PPP3R1: variants seen among roughly 807,000 people sequenced by gnomAD.
The protein encoded by PPP3R1 is protein phosphatase 3 regulatory subunit B, alpha, also known as calcineurin subunit B type 1.
Under a neutral mutation model 22.6 loss-of-function variants are expected in PPP3R1, and 5 were observed. The ratio of observed to expected loss-of-function variants is 0.22; its 90% confidence interval spans 0.12 to 0.46. The LOEUF (loss-of-function observed/expected upper bound fraction) is 0.46, where lower values mean the gene tolerates loss of function less well. Ranked by LOEUF, PPP3R1 falls within the 20% of genes least tolerant of loss-of-function variation. The probability of loss-of-function intolerance (pLI) is 0.99; values close to 1 mark genes in which losing one functional copy is unlikely to be tolerated. For missense variants in PPP3R1, 61 were observed against 203.2 expected (o/e 0.30, Z 4.25); for synonymous variants, 56 against 65.2 (o/e 0.86, Z 0.68).
chr2:68,226,007 G>GA lies in PPP3R1; in HGVS notation c.4-8877dup, dbSNP rs541954805. ...TGGAGTACTATTCGGTAATGAATAG[G>GA]AAAAGACTACTAATACACCCAATAA... On this transcript the variant is annotated intron_variant, in intron 1 of 5. Transcript: ENST00000234310. 2.7e-3 allele frequency among the ~76,000 whole-genome samples: 414 copies of GA among 152,216 alleles called. 2 individuals carry two copies. Among genetic ancestry groups the GA allele is most frequent in the African/African-American group, 6.3e-3 (260 of 41,528 alleles).
intron 1 of PPP3R1, among the ~76,000 whole-genome samples, chr2:68,225,609 T>G (rs1176308898): frequency 1.3e-5 from 2 of 152,224 alleles, no homozygotes; most frequent in African/African-American, 4.8e-5. Context: ...TTTGCAGAAC[T>G]ATGAAATAAT....
intron 1 of PPP3R1, among the ~76,000 whole-genome samples, chr2:68,239,523 G>A (rs749847272): frequency 6.6e-5 from 10 of 152,128 alleles, no homozygotes; most frequent in Non-Finnish European, 1.0e-4. Context: ...TGTGGTTTTG[G>A]TTACATTTAG....
chr2:68,232,738 C>A (rs1669943355), intron 1 of PPP3R1, among the ~76,000 whole-genome samples: 1 of 152,142 alleles, frequency 6.6e-6, no homozygotes, highest in East Asian at 1.9e-4. Flanking sequence ...TCTCGAGTAG[C>A]TGGGATTACA....
chr2:68,196,508 C>T (rs755582236), intron 2 of PPP3R1, among the ~76,000 whole-genome samples: 31 of 152,234 alleles, frequency 2.0e-4, no homozygotes, highest in East Asian at 1.9e-4. Flanking sequence ...GAAATGAACA[C>T]AGGTCATACA....
At chr2:68,240,719 G>A (rs928032458) in intron 1 of PPP3R1, among the ~76,000 whole-genome samples, 19 of 152,222 alleles carry the variant, frequency 1.2e-4, no homozygotes, top group African/African-American at 4.6e-4. Flanking sequence ...ACAAGGCCAA[G>A]TGGCTAGAGC....
intron 5 of PPP3R1, among the ~76,000 whole-genome samples, chr2:68,184,763 C>G (rs922139683): frequency 2.0e-5 from 3 of 152,112 alleles, no homozygotes; most frequent in African/African-American, 7.2e-5. Context: ...AAACTATGCC[C>G]CTTAAAAATA....
At chr2:68,195,123 G>A (rs1165439399) in intron 2 of PPP3R1, among the ~76,000 whole-genome samples, 1 of 152,088 alleles carries the variant, frequency 6.6e-6, no homozygotes, top group African/African-American at 2.4e-5. Flanking sequence ...TCTGTGAGAT[G>A]TTAACATCCC....
chr2:68,197,862 C>T (rs1674822762), intron 2 of PPP3R1, among the ~76,000 whole-genome samples: 1 of 151,414 alleles, frequency 6.6e-6, no homozygotes, highest in South Asian at 2.1e-4. Context: ...TTTGTGTGTA[C>T]TAAAAGTCTT....
At chr2:68,190,153 C>T (rs755970378) in intron 2 of PPP3R1, among the ~76,000 whole-genome samples, 10 of 145,772 alleles carry the variant, frequency 6.9e-5, no homozygotes, top group Non-Finnish European at 1.0e-4. Flanking sequence ...TTAGTTCACA[C>T]GTAATTCGTA....
intron 1 of PPP3R1, among the ~76,000 whole-genome samples, chr2:68,238,930 T>A (rs1334573050): frequency 1.3e-5 from 2 of 152,184 alleles, no homozygotes; most frequent in Non-Finnish European, 2.9e-5. Context: ...TTAAAACCTA[T>A]GCAACTCTGT....
intron 1 of PPP3R1, among the ~76,000 whole-genome samples, chr2:68,220,886 T>G (rs1040500019): frequency 2.0e-5 from 3 of 152,170 alleles, no homozygotes; most frequent in African/African-American, 7.2e-5. Context: ...GGGTGCCAGT[T>G]GCTGGGGGAG....
At chr2:68,182,108 G>GT (rs1558625651) in intron 5 of PPP3R1, among the ~76,000 whole-genome samples, 1 of 126,440 alleles carries the variant, frequency 7.9e-6, no homozygotes, top group African/African-American at 3.1e-5. Context: ...ACGACCAGTA[G>GT]CTACTATTTT....
At chr2:68,208,752 T>G (rs1192154782) in intron 2 of PPP3R1, among the ~76,000 whole-genome samples, 1 of 151,470 alleles carries the variant, frequency 6.6e-6, no homozygotes, top group African/African-American at 2.4e-5. Flanking sequence ...CTGATCAACA[T>G]GTTTCTACTA....
At chr2:68,242,814 T>A (rs1329434086) in intron 1 of PPP3R1, among the ~76,000 whole-genome samples, 2 of 152,214 alleles carry the variant, frequency 1.3e-5, no homozygotes, top group African/African-American at 4.8e-5. Flanking sequence ...CATCCCTGAA[T>A]CTAGACAGAT....
At position 68,252,207 on chromosome 2, in the gene PPP3R1, GC is replaced by G; in HGVS notation, c.-81del. 1 of 1,244,074 alleles carries G rather than the reference GC, an allele frequency of 8.0e-7. No individual in the cohort carries two copies. The highest frequency in any genetic ancestry group is 1.0e-6 in the Non-Finnish European group (1 of 967,184). The allele number at this position is 1,244,074 out of a possible 1,614,324, so 77.1% of individuals were successfully genotyped here. A position where few individuals can be genotyped will look rare whatever the true frequency, so the allele number is the denominator to read the frequency against. On this transcript the variant is annotated 5_prime_UTR_variant, in exon 1 of 6. Coordinates refer to ENST00000234310, the MANE Select transcript of PPP3R1 (RefSeq NM_000945.4). ...TCAGGCTGGCTCGCAGGAAACGGCGGCGGCGGCCCAGCTGCGGCCCTCGGGT... is the reference window on the plus strand; with the variant it reads ...TCAGGCTGGCTCGCAGGAAACGGCGGGGCGGCCCAGCTGCGGCCCTCGGGT...
At chr2:68,226,793 A>G (rs1454019423) in intron 1 of PPP3R1, among the ~76,000 whole-genome samples, 1 of 152,176 alleles carries the variant, frequency 6.6e-6, no homozygotes, top group Non-Finnish European at 1.5e-5. Context: ...TAATTTAAGC[A>G]TCAATGCGTT....
chr2:68,216,661 C>T (rs1030761875), intron 2 of PPP3R1, among the ~76,000 whole-genome samples: 1 of 152,080 alleles, frequency 6.6e-6, no homozygotes, highest in African/African-American at 2.4e-5. Flanking sequence ...GCACTGCCGA[C>T]AGGTCCTTGG....
chr2:68,217,344 G>A (rs747709213), intron 1 of PPP3R1, among the ~76,000 whole-genome samples: 14 of 152,076 alleles, frequency 9.2e-5, no homozygotes, highest in Non-Finnish European at 1.6e-4. Flanking sequence ...TCTGACTTAT[G>A]ACTCTGTCAC....
At chr2:68,181,317 CG>C (rs1181866377) in intron 5 of PPP3R1, among the ~76,000 whole-genome samples, 2 of 150,798 alleles carry the variant, frequency 1.3e-5, no homozygotes, top group Admixed American at 1.3e-4. Context: ...CGCTTGAACC[CG>C]GGAGTTGGAG....
Sources: gnomAD v4.1 joint callset for allele counts (sites outside exome capture counted in the v4.1 genomes callset) on GRCh38, gnomAD v4.1.1 for gene constraint, MANE v1.5 for transcripts, NCBI Gene and HGNC (gene_info 2026-07-23, HGNC 2026-07-21) for gene names.